Variants in KIAA1217 observed in about 807,000 individuals in gnomAD.
KIAA1217 encodes the protein sickle tail protein homolog.
KIAA1217 carries 88 observed loss-of-function variants against 163.9 expected under a neutral mutation model. That is an observed-to-expected ratio of 0.54 (90% CI 0.45 to 0.64). The LOEUF (loss-of-function observed/expected upper bound fraction) is 0.64. Among genes scored for constraint, KIAA1217 ranks in the 30% least tolerant of loss-of-function variants. KIAA1217 has a pLI of 0.00. For missense variants in KIAA1217, 2,372 were observed against 2,475.0 expected, an observed-to-expected ratio of 0.96 and a Z score of 0.88; for synonymous variants, 903 against 923.1, an observed-to-expected ratio of 0.98 and a Z score of 0.39.
chr10:24,165,219 G>T (rs1213507588), intron 2 of KIAA1217, among the ~76,000 whole-genome samples: 3 of 152,160 alleles, frequency 2.0e-5, no homozygotes, highest in South Asian at 2.1e-4. Context: ...TTCTCCACCA[G>T]CCCACAAGGC....
intron 1 of KIAA1217, among the ~76,000 whole-genome samples, chr10:23,857,747 C>G (rs1190705588): frequency 6.6e-6 from 1 of 152,000 alleles, no homozygotes; most frequent in Non-Finnish European, 1.5e-5. Flanking sequence ...GGAATCTTTT[C>G]TTGAGAACTT....
At chr10:24,205,618 A>C (rs1358403930), upstream of KIAA1217, among the ~76,000 whole-genome samples, 1 of 151,720 alleles carries the variant, frequency 6.6e-6, no homozygotes, top group South Asian at 2.1e-4. Context: ...CTAAAAATAC[A>C]AAAAGTTAGC....
chr10:24,127,744 A>T (rs939931046), intron 2 of KIAA1217, among the ~76,000 whole-genome samples: 2 of 152,330 alleles, frequency 1.3e-5, no homozygotes, highest in South Asian at 2.1e-4. Flanking sequence ...ACATTAGCAA[A>T]CAAAATAATT....
intron 13 of KIAA1217, among the ~76,000 whole-genome samples, chr10:24,525,482 G>T (rs2071994007): frequency 6.6e-6 from 1 of 152,204 alleles, no homozygotes; most frequent in Non-Finnish European, 1.5e-5. Context: ...CATGATGTTT[G>T]GAGTTTATTT....
At chr10:24,091,879 C>T (rs925376602) in intron 2 of KIAA1217, among the ~76,000 whole-genome samples, 2 of 151,736 alleles carry the variant, frequency 1.3e-5, no homozygotes, top group African/African-American at 4.9e-5. Context: ...AGAGTTTTTG[C>T]AGGCATGTAG....
intron 1 of KIAA1217, among the ~76,000 whole-genome samples, chr10:23,776,666 T>C (rs1431601099): frequency 6.6e-6 from 1 of 150,882 alleles, no homozygotes; most frequent in Non-Finnish European, 1.5e-5. Context: ...CTGAGTGTTA[T>C]TGACTGTGGG....
chr10:24,477,109 C>A (rs1205576151), intron 6 of KIAA1217, among the ~76,000 whole-genome samples: 1 of 152,214 alleles, frequency 6.6e-6, no homozygotes, highest in African/African-American at 2.4e-5. Flanking sequence ...TCATGCCATA[C>A]TTCCTCCTCC....
intron 1 of KIAA1217, among the ~76,000 whole-genome samples, chr10:23,968,577 AT>A (rs1182903493): frequency 4.6e-5 from 7 of 152,104 alleles, no homozygotes; most frequent in African/African-American, 1.4e-4. Context: ...ACCAGAATCA[AT>A]TTTTGACCTC....
intron 3 of KIAA1217, among the ~76,000 whole-genome samples, chr10:24,386,157 C>T (rs1410054068): frequency 6.6e-6 from 1 of 152,210 alleles, no homozygotes; most frequent in Non-Finnish European, 1.5e-5. Context: ...CACTGACCAG[C>T]CCGGCAGCCA....
In KIAA1217 at chr10:24,438,453, C is replaced by CTTGTTGTA; in HGVS notation, c.820_821insTTGTTGTA (p.Pro274LeufsTer7). 6.2e-7 allele frequency: 1 copy of CTTGTTGTA among 1,612,076 alleles called. No individual in the cohort carries two copies. Among genetic ancestry groups the CTTGTTGTA allele is most frequent in the Admixed American group, 1.7e-5 (1 of 60,024 alleles). ...TCCTGCACATGCGTTTAATCACACA[C>CTTGTTGTA]CAAAAACTATGAATGGAGACATGAG... On this transcript the variant is annotated frameshift_variant, in exon 5 of 21. Transcript: ENST00000376454. LOFTEE classifies it high-confidence loss of function.
chr10:23,728,196 G>C (rs1226214468), intron 1 of KIAA1217, among the ~76,000 whole-genome samples: 4 of 152,108 alleles, frequency 2.6e-5, no homozygotes, highest in African/African-American at 7.2e-5. Context: ...GGGATTGGTG[G>C]CTCAAATGGT....
intron 1 of KIAA1217, among the ~76,000 whole-genome samples, chr10:23,853,874 T>A (rs1344029389): frequency 6.6e-6 from 1 of 152,314 alleles, no homozygotes; most frequent in South Asian, 2.1e-4. Context: ...CCTTTATCAT[T>A]TTTTATTGCA....
intron 1 of KIAA1217, among the ~76,000 whole-genome samples, chr10:23,848,138 C>T (rs1383927059): frequency 6.6e-6 from 1 of 151,852 alleles, no homozygotes; most frequent in African/African-American, 2.4e-5. Context: ...CCAATTATGT[C>T]GTCAATTTTA....
chr10:23,821,835 T>C (rs1837632909), intron 1 of KIAA1217, among the ~76,000 whole-genome samples: 2 of 152,140 alleles, frequency 1.3e-5, no homozygotes, highest in South Asian at 4.1e-4. Flanking sequence ...TTCAAAAAAT[T>C]AGGAAGGGGC....
chr10:23,941,449 G>A (rs928673795), intron 1 of KIAA1217, among the ~76,000 whole-genome samples: 3 of 152,144 alleles, frequency 2.0e-5, no homozygotes, highest in Non-Finnish European at 4.4e-5. Flanking sequence ...TGGATAATGG[G>A]ACCACATTGA....
intron 2 of KIAA1217, among the ~76,000 whole-genome samples, chr10:24,259,481 G>A (rs528318928): frequency 2.0e-5 from 3 of 152,200 alleles, no homozygotes; most frequent in Admixed American, 2.0e-4. Context: ...TGGCTGTGGT[G>A]GTATGTGCTT....
intron 2 of KIAA1217, among the ~76,000 whole-genome samples, chr10:24,189,994 C>G (rs1044415589): frequency 2.0e-5 from 3 of 150,430 alleles, no homozygotes; most frequent in Non-Finnish European, 4.4e-5. Context: ...GTGCTCCAGC[C>G]TGGGTGACAG....
Position 24,494,584 on chromosome 10 carries a change from T to G in KIAA1217, c.1764T>G (p.Ser588Arg). The G allele has an allele frequency of 6.2e-7, 1 of 1,612,538 alleles. No individual in the cohort carries two copies. Among genetic ancestry groups the G allele is most frequent in the Non-Finnish European group, 8.5e-7 (1 of 1,178,994 alleles). ...QSALFKGPIT[S>R]YSKDASSEKM... ...CGCTTTTTAAAGGGCCCATTACAAGTTATAGCAAAGATGCGTCTAGGTAAA... is the reference window on the plus strand; with the variant it reads ...CGCTTTTTAAAGGGCCCATTACAAGGTATAGCAAAGATGCGTCTAGGTAAA... Residue 588 changes from serine to arginine, a missense_variant, in exon 7 of 21, where the codon AGT (serine) becomes AGG (arginine). Coordinates refer to ENST00000376454, the MANE Select transcript of KIAA1217 (RefSeq NM_019590.5).
intron 6 of KIAA1217, among the ~76,000 whole-genome samples, chr10:24,483,269 T>C (rs985102824): frequency 1.3e-5 from 2 of 152,168 alleles, no homozygotes; most frequent in African/African-American, 4.8e-5. Flanking sequence ...CCATTGCTCT[T>C]GACCTCACAG....
Sources: allele counts gnomAD v4.1 joint callset (sites outside exome capture counted in the v4.1 genomes callset), GRCh38; gene constraint gnomAD v4.1.1; transcripts MANE v1.5; gene names NCBI Gene and HGNC (gene_info 2026-07-23, HGNC 2026-07-21).